The following HPGDS variants were observed in gnomAD, a reference collection of about 807,000 sequenced individuals.
HPGDS encodes hematopoietic prostaglandin D synthase, also known as GST class-sigma.
A neutral mutation model predicts 23.1 loss-of-function variants in HPGDS; 26 were observed. The observed-to-expected ratio is 1.13, with a 90% CI of 0.83 to 1.56. The LOEUF (loss-of-function observed/expected upper bound fraction) is 1.56, where lower values mean the gene tolerates loss of function less well. HPGDS is among the 40% of genes most tolerant of loss of function. The pLI is 0.00. For missense variants in HPGDS, 268 were observed against 236.4 expected (o/e 1.13, Z -0.88); for synonymous variants, 95 against 77.9 (o/e 1.22, Z -1.16).
intron 2 of HPGDS, among the ~76,000 whole-genome samples, chr4:94,331,053 T>A (rs1241999284): frequency 1.3e-5 from 2 of 152,166 alleles, no homozygotes; most frequent in Non-Finnish European, 2.9e-5. Context: ...AGCCCAGAGT[T>A]TGCCTTATTT....
At chr4:94,314,424 G>T (rs1756350194) in intron 3 of HPGDS, among the ~76,000 whole-genome samples, 1 of 152,086 alleles carries the variant, frequency 6.6e-6, no homozygotes. Context: ...TTTTTGCCTG[G>T]GTATCAGCAG....
intron 1 of HPGDS, among the ~76,000 whole-genome samples, chr4:94,339,179 G>T (rs1489245790): frequency 6.6e-6 from 1 of 152,180 alleles, no homozygotes. Flanking sequence ...GGTTATCTTG[G>T]TATGATTTGA....
chr4:94,309,024 T>A (rs1401603287), intron 3 of HPGDS, among the ~76,000 whole-genome samples: 1 of 149,634 alleles, frequency 6.7e-6, no homozygotes, highest in African/African-American at 2.5e-5. Context: ...ATATCTTTCT[T>A]TACAAGTACC....
intron 4 of HPGDS, among the ~76,000 whole-genome samples, chr4:94,304,732 G>C (rs1230987003): frequency 1.3e-5 from 2 of 152,064 alleles, no homozygotes; most frequent in Non-Finnish European, 2.9e-5. Context: ...CATGAACTTG[G>C]ATTGCTGTGT....
At chr4:94,326,718 G>T (rs1579444366) in intron 2 of HPGDS, among the ~76,000 whole-genome samples, 2 of 151,740 alleles carry the variant, frequency 1.3e-5, no homozygotes, top group Admixed American at 1.3e-4. Context: ...CTTTTTTATG[G>T]AATTGGTTAC....
At chr4:94,322,573 A>T (rs1015079024) in intron 2 of HPGDS, among the ~76,000 whole-genome samples, 1 of 152,048 alleles carries the variant, frequency 6.6e-6, no homozygotes, top group Non-Finnish European at 1.5e-5. Context: ...GTATTCTCTG[A>T]TGGTAGTTTG....
intron 2 of HPGDS, among the ~76,000 whole-genome samples, chr4:94,319,014 A>G (rs948957900): frequency 6.6e-6 from 1 of 152,244 alleles, no homozygotes; most frequent in South Asian, 2.1e-4. Context: ...CGCCTGGCCT[A>G]TGGATGAAAT....
At chr4:94,305,509 A>T (rs1468701773) in intron 4 of HPGDS, among the ~76,000 whole-genome samples, 2 of 152,134 alleles carry the variant, frequency 1.3e-5, no homozygotes, top group Non-Finnish European at 2.9e-5. Flanking sequence ...AGTAGATAGT[A>T]TGTGCTTAAA....
chr4:94,331,420 T>A (rs1322494905), intron 2 of HPGDS, among the ~76,000 whole-genome samples: 8 of 152,204 alleles, frequency 5.3e-5, no homozygotes, highest in Admixed American at 4.6e-4. Context: ...TTCTGTTAGA[T>A]TTTTCTCAAA....
intron 2 of HPGDS, among the ~76,000 whole-genome samples, chr4:94,332,376 C>T (rs1323929869): frequency 2.6e-5 from 4 of 152,254 alleles, no homozygotes; most frequent in Non-Finnish European, 5.9e-5. Flanking sequence ...AAGGCTGTCG[C>T]ACTGGCCTTT....
chr4:94,338,260 C>T (rs1361154609), intron 1 of HPGDS, among the ~76,000 whole-genome samples: 3 of 151,920 alleles, frequency 2.0e-5, no homozygotes, highest in Non-Finnish European at 4.4e-5. Flanking sequence ...CCCGTCTCTA[C>T]AAAAAAATAT....
intron 3 of HPGDS, among the ~76,000 whole-genome samples, chr4:94,309,504 C>T (rs2126036870): frequency 6.6e-6 from 1 of 152,110 alleles, no homozygotes; most frequent in East Asian, 1.9e-4. Context: ...GTATATGTGC[C>T]ACATTTTCTT....
intron 2 of HPGDS, among the ~76,000 whole-genome samples, chr4:94,321,437 G>C (rs952537057): frequency 2.0e-4 from 30 of 152,012 alleles, no homozygotes; most frequent in African/African-American, 5.8e-4. Flanking sequence ...CTTTTATTTT[G>C]TTGAGCAGTG....
At chr4:94,310,977 C>T (rs1191237179) in intron 3 of HPGDS, among the ~76,000 whole-genome samples, 1 of 152,100 alleles carries the variant, frequency 6.6e-6, no homozygotes, top group African/African-American at 2.4e-5. Context: ...GATTTTTGCA[C>T]ATTGATTTTG....
intron 2 of HPGDS, among the ~76,000 whole-genome samples, chr4:94,329,338 G>A (rs115337998): frequency 6.6e-6 from 1 of 152,244 alleles, no homozygotes; most frequent in Non-Finnish European, 1.5e-5. Flanking sequence ...TGGAACCCTT[G>A]CTCAGCTGTT....
rs369235688 is a variant in HPGDS, at chr4:94,328,428, C to T, written c.133+6069G>A. 8.5e-5 allele frequency among the ~76,000 whole-genome samples: 13 copies of T among 152,254 alleles called. 1 individual carries two copies. The highest frequency in any genetic ancestry group is 2.6e-4 in the Admixed American group (4 of 15,300). On this transcript the variant is annotated intron_variant, in intron 2 of 5. Transcript: ENST00000295256. ...GCAGCAAGCATTTTTGCACAAATAT[C>T]GGACAGACTGATAGCAGATACCATA...
chr4:94,328,005 T>A (rs1332023768), intron 2 of HPGDS, among the ~76,000 whole-genome samples: 1 of 152,192 alleles, frequency 6.6e-6, no homozygotes, highest in Non-Finnish European at 1.5e-5. Flanking sequence ...TCTGGAACAA[T>A]GTTCTCACAT....
chr4:94,313,408 G>A (rs1408468881), intron 3 of HPGDS, among the ~76,000 whole-genome samples: 1 of 151,496 alleles, frequency 6.6e-6, no homozygotes, highest in African/African-American at 2.4e-5. Flanking sequence ...GCTTAGTTTG[G>A]CTGGATATGA....
At chr4:94,309,247 T>A (rs1756208349) in intron 3 of HPGDS, among the ~76,000 whole-genome samples, 1 of 151,512 alleles carries the variant, frequency 6.6e-6, no homozygotes, top group Non-Finnish European at 1.5e-5. Flanking sequence ...ATTAGGTATA[T>A]CTCCTAATGC....
Sources: gnomAD v4.1 joint callset for allele counts (sites outside exome capture counted in the v4.1 genomes callset) on GRCh38, gnomAD v4.1.1 for gene constraint, MANE v1.5 for transcripts, NCBI Gene and HGNC (gene_info 2026-07-23, HGNC 2026-07-21) for gene names.